SLC8A1: variants seen among roughly 807,000 people sequenced by gnomAD.
SLC8A1 encodes the protein solute carrier family 8 member A1.
A neutral mutation model predicts 68.3 loss-of-function variants in SLC8A1; 18 were observed. The ratio of observed to expected loss-of-function variants is 0.26; its 90% confidence interval spans 0.18 to 0.39. The LOEUF (loss-of-function observed/expected upper bound fraction) is 0.39. SLC8A1 is among the 10% of genes least tolerant of loss of function. The pLI is 1.00. For synonymous variants in SLC8A1, 475 were observed against 415.5 expected (o/e 1.14, Z -1.74); for missense variants, 985 against 1,156.7 (o/e 0.85, Z 2.15).
intron 4 of SLC8A1, among the ~76,000 whole-genome samples, chr2:40,165,342 A>G (rs2046366728): frequency 6.6e-6 from 1 of 152,106 alleles, no homozygotes; most frequent in Admixed American, 6.5e-5. Context: ...GTTTGTACAC[A>G]TTCTTTCAGC....
chr2:40,399,188 A>G (rs1384807745), intron 2 of SLC8A1, among the ~76,000 whole-genome samples: 2 of 152,164 alleles, frequency 1.3e-5, no homozygotes, highest in African/African-American at 2.4e-5. Flanking sequence ...ATGTTGAAAG[A>G]TTTTTTATTA....
intron 1 of SLC8A1, among the ~76,000 whole-genome samples, chr2:40,495,948 TTATC>T (rs1468572137): frequency 2.0e-5 from 3 of 152,080 alleles, no homozygotes; most frequent in South Asian, 2.1e-4. Flanking sequence ...CAACAAAAAA[TTATC>T]TATCTGTCTA....
intron 6 of SLC8A1, among the ~76,000 whole-genome samples, chr2:40,141,237 G>A (rs909086393): frequency 1.3e-5 from 2 of 152,180 alleles, no homozygotes; most frequent in Non-Finnish European, 2.9e-5. Flanking sequence ...GAGACACTCT[G>A]TGGTAGGCAA....
Position 40,185,998 on chromosome 2 carries a change from G to C in SLC8A1, c.1809-8143C>G, listed in dbSNP as rs1393312296. ...ACCCTACTCCTTTCCTCAGGATTTT[G>C]CATAGAATGCTGGTTGCCCCCTCCA... On this transcript the variant is annotated intron_variant, in intron 2 of 7. Coordinates refer to ENST00000406785, the Ensembl canonical transcript of SLC8A1. Among the ~76,000 whole-genome samples the C allele has an allele frequency of 2.6e-5, 4 of 152,140 alleles. No individual in the cohort carries two copies. The East Asian group carries it at 7.7e-4, about 29-fold the overall frequency.
intron 1 of SLC8A1, among the ~76,000 whole-genome samples, chr2:40,471,901 A>G (rs1704011754): frequency 6.6e-6 from 1 of 152,218 alleles, no homozygotes; most frequent in Non-Finnish European, 1.5e-5. Context: ...GAAATTTAAA[A>G]TATGTTCATC....
intron 2 of SLC8A1, among the ~76,000 whole-genome samples, chr2:40,331,475 A>C (rs68003012): frequency 6.6e-6 from 1 of 152,100 alleles, no homozygotes; most frequent in Admixed American, 6.6e-5. Context: ...AGAATAAAAA[A>C]GTGCCCTTTA....
intron 1 of SLC8A1, among the ~76,000 whole-genome samples, chr2:40,466,514 G>A (rs1420236214): frequency 3.9e-5 from 6 of 152,202 alleles, no homozygotes; most frequent in Non-Finnish European, 5.9e-5. Flanking sequence ...TGTAGTTTCA[G>A]TTCTGCTACT....
intron 2 of SLC8A1, among the ~76,000 whole-genome samples, chr2:40,346,679 A>T (rs1476187445): frequency 6.6e-6 from 1 of 152,172 alleles, no homozygotes; most frequent in Admixed American, 6.5e-5. Context: ...AGAGGGGAAA[A>T]AGTCTGAGTG....
chr2:40,345,431 T>C (rs771017124), intron 2 of SLC8A1, among the ~76,000 whole-genome samples: 1 of 152,152 alleles, frequency 6.6e-6, no homozygotes, highest in Non-Finnish European at 1.5e-5. Flanking sequence ...AAGATTCATG[T>C]GAGCAACAAA....
At chr2:40,366,986 T>G (rs1676419473) in intron 2 of SLC8A1, among the ~76,000 whole-genome samples, 1 of 152,056 alleles carries the variant, frequency 6.6e-6, no homozygotes, top group South Asian at 2.1e-4. Context: ...AAATTCCACC[T>G]GAGATTAACC....
intron 2 of SLC8A1, among the ~76,000 whole-genome samples, chr2:40,240,289 G>C (rs1423893353): frequency 6.6e-6 from 1 of 152,194 alleles, no homozygotes; most frequent in East Asian, 1.9e-4. Context: ...ACGGAGCGGA[G>C]GACTCCCCAG....
chr2:40,392,075 G>GGAAT (rs1685447211), intron 2 of SLC8A1, among the ~76,000 whole-genome samples: 1 of 150,134 alleles, frequency 6.7e-6, no homozygotes, highest in Non-Finnish European at 1.5e-5. Context: ...GGAGAAGGAA[G>GGAAT]GAAGGAGAAA....
intron 1 of SLC8A1, among the ~76,000 whole-genome samples, chr2:40,509,636 G>C (rs778494819): frequency 5.3e-5 from 8 of 151,676 alleles, no homozygotes; most frequent in Non-Finnish European, 1.0e-4. Context: ...TCCTCCTCTT[G>C]TTATTGTCAC....
chr2:40,106,464 G>T (rs1248421028), exon 8 of SLC8A1: 5 of 151,426 alleles, frequency 3.3e-5, no homozygotes, highest in African/African-American at 7.3e-5. Flanking sequence ...GATAAGAAAG[G>T]TTCTCATAAA....
chr2:40,298,826 TTTAGAAC>T (rs1377595241), intron 2 of SLC8A1, among the ~76,000 whole-genome samples: 2 of 152,220 alleles, frequency 1.3e-5, no homozygotes, highest in African/African-American at 2.4e-5. Flanking sequence ...TGTTCCTTGA[TTTAGAAC>T]TTATGGATGT....
chr2:40,505,794 G>C (rs752575224), intron 1 of SLC8A1, among the ~76,000 whole-genome samples: 1 of 151,960 alleles, frequency 6.6e-6, no homozygotes, highest in Non-Finnish European at 1.5e-5. Flanking sequence ...TAGGCATTCT[G>C]TAAGTTAGGC....
chr2:40,161,107 A>G (rs978359980), intron 5 of SLC8A1, among the ~76,000 whole-genome samples: 1 of 152,188 alleles, frequency 6.6e-6, no homozygotes, highest in Non-Finnish European at 1.5e-5. Context: ...CTAATGAAGA[A>G]TAGCCTCAGT....
intron 2 of SLC8A1, among the ~76,000 whole-genome samples, chr2:40,200,173 GAT>G (rs200436547): frequency 2.1e-3 from 10 of 4,748 alleles, no homozygotes; most frequent in Non-Finnish European, 4.7e-3. Context: ...TCAAGTCATT[GAT>G]ATATATATAT....
chr2:40,470,477 T>C (rs62149448), intron 1 of SLC8A1, among the ~76,000 whole-genome samples: 20,187 of 151,924 alleles, frequency 0.13, 1,690 homozygotes, highest in Middle Eastern at 0.23. Context: ...ATTATAACCA[T>C]GGAAACCCAT....
Sources: gnomAD v4.1 joint callset for allele counts (sites outside exome capture counted in the v4.1 genomes callset) on GRCh38, gnomAD v4.1.1 for gene constraint, MANE v1.5 for transcripts, NCBI Gene and HGNC (gene_info 2026-07-23, HGNC 2026-07-21) for gene names.